Variants in POLR1A observed in about 807,000 individuals in gnomAD.
The protein encoded by POLR1A is DNA-directed RNA polymerase I subunit RPA1.
POLR1A carries 84 observed loss-of-function variants against 205.3 expected under a neutral mutation model. The observed-to-expected ratio is 0.41, with a 90% CI of 0.34 to 0.49. The LOEUF is 0.49. Among genes scored for constraint, POLR1A ranks in the 20% least tolerant of loss-of-function variants. The pLI is 0.22. For synonymous variants in POLR1A, 799 were observed against 863.7 expected (o/e 0.93, Z 1.31); for missense variants, 1,645 against 2,204.5 (o/e 0.75, Z 5.08).
intron 3 of POLR1A, among the ~76,000 whole-genome samples, chr2:86,093,190 G>A (rs1159158799): frequency 6.6e-6 from 1 of 152,158 alleles, no homozygotes; most frequent in African/African-American, 2.4e-5. Flanking sequence ...ATACAAAGGA[G>A]CTTCCTTAAT....
rs768631152 is a variant in POLR1A at position 86,030,349 on chromosome 2, G to T, written c.4626C>A (p.Ser1542=). 2.5e-6 allele frequency: 4 copies of T among 1,614,142 alleles called. No homozygotes were observed. Among genetic ancestry groups the T allele is most frequent in the Middle Eastern group, 3.3e-4 (2 of 6,052 alleles). Reference sequence around the variant, plus strand: ...CACCATGGGCCAAAGATACTACCAGGGAGCTCATGTCAAAGTTGATCTTCA... The same window carrying T: ...CACCATGGGCCAAAGATACTACCAGTGAGCTCATGTCAAAGTTGATCTTCA... ...PLMKINFDMS[S]LVVSLAHGAV... is the part of the protein sequence containing the mutation. Residue 1542 remains serine, a synonymous_variant, in exon 31 of 34, where the codon TCC becomes TCA. Coordinates refer to ENST00000263857, the MANE Select transcript of POLR1A (RefSeq NM_015425.6).
In POLR1A at chr2:86,021,023, C is replaced by T. The variant is rs927087931; in HGVS notation, c.*6400G>A. 6.6e-6 allele frequency: 1 copy of T among 152,240 alleles called. No homozygotes were observed. Among genetic ancestry groups the T allele is most frequent in the African/African-American group, 2.4e-5 (1 of 41,464 alleles). 9.4% of individuals were successfully genotyped at this position (152,240 alleles called of 1,614,324 possible). A position where few individuals can be genotyped will look rare whatever the true frequency, so the allele number is the denominator to read the frequency against. ...CCAAGAAAAGTCTTATTTCAGAGCT[C>T]AGTGTCTTGCCCAAAACGCAGCCTC... On this transcript the variant is annotated 3_prime_UTR_variant, in exon 34 of 34. Coordinates refer to ENST00000263857, the MANE Select transcript of POLR1A (RefSeq NM_015425.6).
chr2:86,089,823 T>C lies in POLR1A; in HGVS notation c.539A>G (p.His180Arg), dbSNP rs777316298. Residue 180 changes from histidine to arginine, a missense_variant and splice_region_variant, in exon 4 of 34, where the codon CAT becomes CGT. Around this residue, in one of 16 missense-constraint regions of POLR1A, gnomAD observed 330 missense variants for 375.6 expected, o/e 0.88. Coordinates refer to ENST00000263857, the MANE Select transcript of POLR1A (RefSeq NM_015425.6). ...QNNLLGSQGAHVKNVCESKSK... is the reference protein window; with the variant it reads ...QNNLLGSQGARVKNVCESKSK... ...GGGAGAAAGACAGTGTTAACTCACA[T>C]GTGCGCCCTGGGACCCCAGGAGGTT... 50 of 1,571,254 alleles carry C rather than the reference T, an allele frequency of 3.2e-5. No individual in the cohort carries two copies. Among genetic ancestry groups the C allele is most frequent in the Non-Finnish European group, 4.4e-5 (50 of 1,140,812 alleles).
chr2:86,081,732 A>T (rs202034695), intron 7 of POLR1A, 26 bp from the exon 8 acceptor site: 1 of 1,405,782 alleles, frequency 7.1e-7, no homozygotes, highest in Admixed American at 1.8e-5. Flanking sequence ...ATAAACCAAG[A>T]AGACCATTTA....
intron 16 of POLR1A, 146 bp from the exon 17 acceptor site, chr2:86,049,388 A>C (rs1203301814): frequency 1.6e-6 from 1 of 635,926 alleles, no homozygotes; most frequent in Non-Finnish European, 2.8e-6. Flanking sequence ...CATCATTATT[A>C]ACAGATTGCC....
In POLR1A at chr2:86,020,814, C is replaced by T. The variant is rs909636422; in HGVS notation, c.*6609G>A. ...CCCTCCAGTAGCAACAAAAAATGTC[C>T]GCAGACACTGCTGAATGTCCCCTGG... On this transcript the variant is annotated 3_prime_UTR_variant, in exon 34 of 34. Transcript: ENST00000263857. The T allele has an allele frequency of 4.6e-5, 7 of 152,176 alleles. No homozygotes were observed. Among genetic ancestry groups the T allele is most frequent in the African/African-American group, 9.7e-5 (4 of 41,420 alleles). The allele number at this position is 152,176 out of a possible 1,614,324, so 9.4% of individuals were successfully genotyped here. A position where few individuals can be genotyped will look rare whatever the true frequency, so the allele number is the denominator to read the frequency against.
chr2:86,043,331 A>G (rs1278361834), intron 22 of POLR1A, 136 bp from the exon 23 acceptor site: 5 of 685,632 alleles, frequency 7.3e-6, no homozygotes, highest in African/African-American at 1.8e-5. Context: ...GATGGGGCCG[A>G]GCACCACTCT....
chr2:86,041,149 CTGTGTGTGTGTG>C lies in POLR1A; in HGVS notation c.3573-602_3573-591del, dbSNP rs756415592. Among the ~76,000 whole-genome samples, 626 of 122,350 alleles carry C rather than the reference CTGTGTGTGTGTG, an allele frequency of 5.1e-3. 4 individuals carry two copies. The highest frequency in any genetic ancestry group is 6.5e-3 in the Non-Finnish European group (382 of 58,540). The allele number at this position is 122,350 out of a possible 152,430, so 80.3% of individuals were successfully genotyped here. On this transcript the variant is annotated intron_variant, in intron 24 of 33. Transcript: ENST00000263857. ...CAGCCACTAGGAGCGCTGAGCTACA[CTGTGTGTGTGTG>C]TGTGTGTGTGTGTGTGTGTGTGTGT... is the stretch of plus-strand genomic sequence containing the variant.
At chr2:86,060,448 A>G (rs1281252515) in intron 14 of POLR1A, among the ~76,000 whole-genome samples, 2 of 152,228 alleles carry the variant, frequency 1.3e-5, no homozygotes, top group African/African-American at 2.4e-5. Flanking sequence ...TACTATCAGA[A>G]GTCAAGATTT....
intron 1 of POLR1A, among the ~76,000 whole-genome samples, chr2:86,105,478 C>T: frequency 6.6e-6 from 1 of 152,238 alleles, no homozygotes; most frequent in East Asian, 1.9e-4. Flanking sequence ...CCTTATATTC[C>T]CCTACCTCAG....
At chr2:86,104,202 AG>A (rs1047167022) in intron 1 of POLR1A, among the ~76,000 whole-genome samples, 2 of 152,068 alleles carry the variant, frequency 1.3e-5, no homozygotes, top group African/African-American at 4.8e-5. Context: ...GTGTAAGGGG[AG>A]GGTGGAAGGA....
chr2:86,089,692 C>A (rs997313745), intron 4 of POLR1A, 130 bp downstream of exon 4: 3 of 649,392 alleles, frequency 4.6e-6, no homozygotes, highest in Non-Finnish European at 8.3e-6. Flanking sequence ...GCAGGTCTCA[C>A]AAGAGACAGA....
Position 86,105,865 on chromosome 2 carries a change from C to A in POLR1A, c.-89G>T, listed in dbSNP as rs947265034. The stretch of plus-strand genomic sequence containing the variant: ...TAATTCAACCTCAAGCCCGGAGTCA[C>A]CACGCGATTCAACGTGCGCTTGCGC... On this transcript the variant is annotated 5_prime_UTR_variant, in exon 1 of 34. Coordinates refer to ENST00000263857, the MANE Select transcript of POLR1A (RefSeq NM_015425.6). 2.5e-6 allele frequency: 3 copies of A among 1,214,972 alleles called. No homozygotes were observed. The highest frequency in any genetic ancestry group is 3.0e-5 in the African/African-American group (2 of 66,812). 75.3% of individuals were successfully genotyped at this position (1,214,972 alleles called of 1,614,324 possible). A position where few individuals can be genotyped will look rare whatever the true frequency, so the allele number is the denominator to read the frequency against.
Position 86,028,439 on chromosome 2 carries a change from C to T in POLR1A, c.4897+155G>A, listed in dbSNP as rs949516770. Among the ~76,000 whole-genome samples the T allele has an allele frequency of 2.6e-5, 4 of 152,212 alleles. No homozygotes were observed. The highest frequency in any genetic ancestry group is 9.7e-5 in the African/African-American group (4 of 41,450). On this transcript the variant is annotated intron_variant, in intron 32 of 33. Coordinates refer to ENST00000263857, the MANE Select transcript of POLR1A (RefSeq NM_015425.6). This position sits in a 1 kb window ranked among gnomAD's most constrained non-coding sequence, Gnocchi z 4.5. ...TCACCTCTTCACAGATCTGCAGTCT[C>T]CTACAGGTGCACTCACTGCACGCAT...
chr2:86,041,245 C>CTGTGTG (rs9309630), intron 24 of POLR1A, among the ~76,000 whole-genome samples: 2 of 123,612 alleles, frequency 1.6e-5, no homozygotes, highest in East Asian at 2.3e-4. Flanking sequence ...GCTACAGTGT[C>CTGTGTG]TGTGTGTGTG....
chr2:86,083,215 A>AC, intron 6 of POLR1A, 47 bp from the exon 7 acceptor site: 8 of 1,278,690 alleles, frequency 6.3e-6, no homozygotes, highest in Non-Finnish European at 9.1e-6. Flanking sequence ...AGAAACAGGT[A>AC]CTCTTTCTGC....
chr2:86,066,049 T>G (rs1200078724), intron 13 of POLR1A, among the ~76,000 whole-genome samples: 1 of 152,170 alleles, frequency 6.6e-6, no homozygotes, highest in Non-Finnish European at 1.5e-5. Context: ...TCACAAAGTG[T>G]TTTAAATGCC....
At chr2:86,080,728 T>G in intron 9 of POLR1A, 88 bp downstream of exon 9, 1 of 1,301,584 alleles carries the variant, frequency 7.7e-7, no homozygotes, top group Non-Finnish European at 1.0e-6. Flanking sequence ...CCAGGAAGCA[T>G]CTCCCAGACC....
chr2:86,074,549 C>G (rs1388738048), intron 12 of POLR1A, among the ~76,000 whole-genome samples: 1 of 152,200 alleles, frequency 6.6e-6, no homozygotes. Flanking sequence ...CCTGATAGAG[C>G]CTCAGGATTC....
Sources: allele counts gnomAD v4.1 joint callset (sites outside exome capture counted in the v4.1 genomes callset), GRCh38; gene constraint gnomAD v4.1.1; regional missense constraint gnomAD v4.1.1; non-coding constraint Gnocchi (gnomAD v3.1); transcripts MANE v1.5; gene names NCBI Gene and HGNC (gene_info 2026-07-23, HGNC 2026-07-21).